The following TULP4 variants were observed in gnomAD, a reference collection of about 807,000 sequenced individuals.
TULP4 encodes tubby-related protein 4.
In TULP4, 16 loss-of-function variants were observed where a neutral mutation model predicts 129.0. The observed-to-expected ratio is 0.12, with a 90% CI of 0.08 to 0.19. The LOEUF is 0.19. Among genes scored for constraint, TULP4 ranks in the 10% least tolerant of loss-of-function variants. TULP4 has a pLI of 1.00. For synonymous variants in TULP4, 998 were observed against 854.0 expected (o/e 1.17, Z -2.94); for missense variants, 1,842 against 2,059.1 (o/e 0.89, Z 2.04).
intron 11 of TULP4, among the ~76,000 whole-genome samples, chr6:158,495,508 ACTC>A (rs1280216203): frequency 6.6e-6 from 1 of 152,144 alleles, no homozygotes; most frequent in Non-Finnish European, 1.5e-5. Flanking sequence ...TTTTTGGTAA[ACTC>A]CTGAAGAAAG....
At chr6:158,402,344 G>A (rs1239775939) in intron 1 of TULP4, among the ~76,000 whole-genome samples, 3 of 151,836 alleles carry the variant, frequency 2.0e-5, no homozygotes, top group Non-Finnish European at 4.4e-5. Context: ...CCTGGCACAA[G>A]GTTAATGCTC....
intron 1 of TULP4, among the ~76,000 whole-genome samples, chr6:158,371,138 C>G (rs1269835514): frequency 6.6e-6 from 1 of 152,218 alleles, no homozygotes; most frequent in Non-Finnish European, 1.5e-5. Context: ...CAGTGAGATA[C>G]AGAGACACTT....
At chr6:158,304,272 T>C (rs1403260100) in intron 1 of TULP4, among the ~76,000 whole-genome samples, 2 of 152,198 alleles carry the variant, frequency 1.3e-5, no homozygotes, top group South Asian at 2.1e-4. Flanking sequence ...AAGCATCTTA[T>C]GTGTTTCATT....
chr6:158,405,880 C>T (rs543382795), intron 1 of TULP4, among the ~76,000 whole-genome samples: 1 of 152,310 alleles, frequency 6.6e-6, no homozygotes, highest in South Asian at 2.1e-4. Flanking sequence ...GTTTATTTCT[C>T]TTTAGTGTGA....
At chr6:158,234,276 G>A (rs1393266537) in intron 1 of TULP4, among the ~76,000 whole-genome samples, 2 of 152,198 alleles carry the variant, frequency 1.3e-5, no homozygotes, top group African/African-American at 4.8e-5. Context: ...AAAGCAATGT[G>A]TGGTACCTGA....
At position 158,502,596 on chromosome 6, in the gene TULP4, C is replaced by T; in HGVS notation, c.2933C>T (p.Ser978Phe). Reference protein sequence around the residue: ...LAQGRGAAQRSDNSLIHATLR... With the variant: ...LAQGRGAAQRFDNSLIHATLR... Reference sequence around the variant, plus strand: ...CAGGGGCGGGGGGCTGCCCAGAGGTCCGACAATAGCCTCATCCACGCTACC... The same window carrying T: ...CAGGGGCGGGGGGCTGCCCAGAGGTTCGACAATAGCCTCATCCACGCTACC... Residue 978 changes from serine to phenylalanine, a missense_variant, in exon 13 of 14, where the codon TCC becomes TTC. Transcript: ENST00000367097. 1 of 1,601,254 alleles carries T rather than the reference C, an allele frequency of 6.2e-7. No individual in the cohort carries two copies. Among genetic ancestry groups the T allele is most frequent in the African/African-American group, 1.3e-5 (1 of 75,050 alleles).
chr6:158,428,099 G>A (rs1335057326), intron 2 of TULP4: 1 of 152,182 alleles, frequency 6.6e-6, no homozygotes, highest in Non-Finnish European at 1.5e-5. Flanking sequence ...TTCCAGCCTG[G>A]GCAACAGAGC....
chr6:158,506,026 A>G (rs910849751), intron 13 of TULP4, among the ~76,000 whole-genome samples: 3 of 151,846 alleles, frequency 2.0e-5, no homozygotes, highest in Non-Finnish European at 4.4e-5. Flanking sequence ...CATTGTCCCC[A>G]CATTCCAAAC....
intron 1 of TULP4, among the ~76,000 whole-genome samples, chr6:158,269,070 T>G (rs1778500887): frequency 6.6e-6 from 1 of 152,252 alleles, no homozygotes; most frequent in Non-Finnish European, 1.5e-5. Context: ...TCTTGTCATT[T>G]TAAAATTAAA....
Position 158,452,245 on chromosome 6 carries a change from C to A in TULP4, c.836C>A (p.Thr279Lys). ...LMNNYDDLSP[T>K]VIRSGLKEVV... is the part of the protein sequence containing the mutation. Reference sequence around the variant, plus strand: ...AACAACTACGATGACTTGTCTCCCACGGTCATCCGCTCAGGGCTGAAAGGT... The same window carrying A: ...AACAACTACGATGACTTGTCTCCCAAGGTCATCCGCTCAGGGCTGAAAGGT... Residue 279 changes from threonine to lysine, a missense_variant, in exon 5 of 14, where the codon ACG (threonine) becomes AAG (lysine). Thr to Lys is a moderately conservative substitution (Grantham distance 78). Transcript: ENST00000367097. 1 of 1,614,164 alleles carries A rather than the reference C, an allele frequency of 6.2e-7. No homozygotes were observed. The highest frequency in any genetic ancestry group is 8.5e-7 in the Non-Finnish European group (1 of 1,180,002).
intron 2 of TULP4, among the ~76,000 whole-genome samples, chr6:158,421,201 A>C (rs1293490324): frequency 6.6e-6 from 1 of 152,104 alleles, no homozygotes; most frequent in Admixed American, 6.5e-5. Flanking sequence ...GTCTACTAAA[A>C]ATACAAAAAA....
intron 1 of TULP4, among the ~76,000 whole-genome samples, chr6:158,234,568 G>C (rs144830408): frequency 3.5e-4 from 53 of 152,340 alleles, no homozygotes; most frequent in African/African-American, 1.2e-3. Flanking sequence ...CTCCTGGAGA[G>C]AGTGAAGATA....
intron 1 of TULP4, among the ~76,000 whole-genome samples, chr6:158,295,948 C>T (rs750398345): frequency 4.6e-5 from 7 of 152,174 alleles, no homozygotes; most frequent in Admixed American, 2.0e-4. Context: ...GTGCCTCTCC[C>T]GGCTCACAAT....
intron 1 of TULP4, among the ~76,000 whole-genome samples, chr6:158,248,698 T>C (rs1562494068): frequency 6.6e-6 from 1 of 151,744 alleles, no homozygotes; most frequent in Non-Finnish European, 1.5e-5. Context: ...GCCATGATTG[T>C]GCCACCGCAC....
chr6:158,492,419 C>G (rs1343721902), intron 9 of TULP4, among the ~76,000 whole-genome samples: 1 of 152,204 alleles, frequency 6.6e-6, no homozygotes, highest in East Asian at 1.9e-4. Context: ...TCCAGTTACT[C>G]TAGCAATCTG....
intron 4 of TULP4, 97 bp downstream of exon 4, chr6:158,449,273 C>T (rs927060786): frequency 3.8e-6 from 5 of 1,304,446 alleles, no homozygotes; most frequent in East Asian, 4.8e-5. Flanking sequence ...GGTGAAGGGC[C>T]GCCACACCTA....
intron 1 of TULP4, among the ~76,000 whole-genome samples, chr6:158,338,230 C>T (rs1303431924): frequency 6.6e-6 from 1 of 152,136 alleles, no homozygotes; most frequent in Non-Finnish European, 1.5e-5. Context: ...CCTTGAATTC[C>T]TGGCCTCAAG....
At chr6:158,246,273 G>A (rs987254514) in intron 1 of TULP4, among the ~76,000 whole-genome samples, 2 of 152,000 alleles carry the variant, frequency 1.3e-5, no homozygotes, top group Non-Finnish European at 2.9e-5. Flanking sequence ...AGGCTGAGGT[G>A]GGTGGATTAC....
chr6:158,273,201 G>C (rs1161622270), intron 1 of TULP4, among the ~76,000 whole-genome samples: 1 of 152,194 alleles, frequency 6.6e-6, no homozygotes, highest in East Asian at 1.9e-4. Context: ...ATAAGCTTCA[G>C]GAGCCACATC....
Sources: gnomAD v4.1 joint callset for allele counts (sites outside exome capture counted in the v4.1 genomes callset) on GRCh38, gnomAD v4.1.1 for gene constraint, MANE v1.5 for transcripts, NCBI Gene and HGNC (gene_info 2026-07-23, HGNC 2026-07-21) for gene names.